The following PKD2 variants were observed in gnomAD, a reference collection of about 807,000 sequenced individuals.
PKD2 encodes the protein polycystin-2.
Under a neutral mutation model 105.9 loss-of-function variants are expected in PKD2, and 48 were observed. The ratio of observed to expected loss-of-function variants is 0.45; its 90% confidence interval spans 0.36 to 0.58. The LOEUF (loss-of-function observed/expected upper bound fraction) is 0.58, where lower values mean the gene tolerates loss of function less well. PKD2 is among the 20% of genes least tolerant of loss of function. The probability of loss-of-function intolerance (pLI) is 0.00; values close to 1 mark genes in which losing one functional copy is unlikely to be tolerated. For missense variants in PKD2, 1,078 were observed against 1,255.3 expected, an observed-to-expected ratio of 0.86 and a Z score of 2.13; for synonymous variants, 464 against 481.1, an observed-to-expected ratio of 0.96 and a Z score of 0.46.
chr4:88,064,336 A>C (rs1160858341), intron 10 of PKD2, among the ~76,000 whole-genome samples: 1 of 152,214 alleles, frequency 6.6e-6, no homozygotes. Context: ...CAAAGAAATA[A>C]AACACTTTAG....
chr4:88,035,929 G>A lies in PKD2; in HGVS notation c.710-291G>A, dbSNP rs1375114588. The A allele has an allele frequency of 1.9e-5, 8 of 425,972 alleles. No homozygotes were observed. The East Asian group carries it at 3.1e-4, about 16-fold the overall frequency. The allele number at this position is 425,972 out of a possible 1,614,324, so 26.4% of individuals were successfully genotyped here. On this transcript the variant is annotated intron_variant, in intron 2 of 14. Coordinates refer to ENST00000237596, the MANE Select transcript of PKD2 (RefSeq NM_000297.4). ...AAGATGAAATCGAGTAGGCATGTTG[G>A]TAGTCCTAAATATCAAGTAAACGTT...
rs754524207 is a variant in PKD2 at position 88,075,610 on chromosome 4, C to T, written c.2823C>T (p.Pro941=). 1 of 1,614,186 alleles carries T rather than the reference C, an allele frequency of 6.2e-7. No individual in the cohort carries two copies. Among genetic ancestry groups the T allele is most frequent in the Non-Finnish European group, 8.5e-7 (1 of 1,180,016 alleles). ...TGGGACTAAATGGTCAACCTCGCCC[C>T]AGAAGCTCCCGCCCATCTTCCTCCC... ...TPVGLNGQPR[P]RSSRPSSSQS... Residue 941 remains proline (P), a synonymous_variant, in exon 15 of 15, where the codon CCC becomes CCT. Transcript: ENST00000237596.
intron 6 of PKD2, among the ~76,000 whole-genome samples, chr4:88,048,449 T>C (rs1388667764): frequency 6.6e-6 from 1 of 152,206 alleles, no homozygotes; most frequent in Non-Finnish European, 1.5e-5. Flanking sequence ...GGCCATATAT[T>C]GCATGGCAAT....
At chr4:88,027,108 C>T (rs1726986082) in intron 2 of PKD2, among the ~76,000 whole-genome samples, 1 of 152,230 alleles carries the variant, frequency 6.6e-6, no homozygotes, top group Non-Finnish European at 1.5e-5. Context: ...CACTGGGGCA[C>T]TGCCTCATGG....
rs1431354331 is a variant in PKD2 at position 88,046,836 on chromosome 4, G to A, written c.1514G>A (p.Ser505Asn). ...IRIHKLHYFR[S>N]FWNCLDVVIV... ...ATTCACAAACTACACTATTTCAGGA[G>A]TTTCTGGAATTGTCTGGATGTTGTG... The change falls in exon 6 of 15, where the codon AGT becomes AAT. Residue 505 changes from serine (S) to asparagine (N), a missense_variant. By Grantham distance (46) the Ser-to-Asn change is conservative. Around this residue, in one of 2 missense-constraint regions of PKD2, gnomAD observed 868 missense variants for 1,067.3 expected, o/e 0.81. Transcript: ENST00000237596. 6.2e-7 allele frequency: 1 copy of A among 1,609,708 alleles called. No individual in the cohort carries two copies. The highest frequency in any genetic ancestry group is 1.3e-5 in the African/African-American group (1 of 74,836).
At position 88,075,819 on chromosome 4, in the gene PKD2, ATCT is replaced by A. The variant is rs372855713; in HGVS notation, c.*129_*131del. On this transcript the variant is annotated 3_prime_UTR_variant, in exon 15 of 15. Coordinates refer to ENST00000237596, the MANE Select transcript of PKD2 (RefSeq NM_000297.4). ...TGCTAGTCTTTGTGACCGATTGCTA[ATCT>A]TCTGCACTTTAATTTATTTTATATA... 1.6e-4 allele frequency: 120 copies of A among 773,604 alleles called. No homozygotes were observed. In the African/African-American group the frequency reaches 1.9e-3, roughly 12 times the overall value. 47.9% of individuals were successfully genotyped at this position (773,604 alleles called of 1,614,324 possible).
At chr4:88,033,269 A>G (rs1727223741) in intron 2 of PKD2, among the ~76,000 whole-genome samples, 1 of 152,068 alleles carries the variant, frequency 6.6e-6, no homozygotes, top group African/African-American at 2.4e-5. Context: ...TCTACAAAAA[A>G]TTTGAAAATT....
intron 4 of PKD2, among the ~76,000 whole-genome samples, chr4:88,040,055 GA>G (rs1354118814): frequency 2.0e-5 from 3 of 152,104 alleles, no homozygotes; most frequent in Non-Finnish European, 4.4e-5. Flanking sequence ...CATTATTTAA[GA>G]AGTTATTTCA....
intron 5 of PKD2, among the ~76,000 whole-genome samples, chr4:88,044,443 T>C (rs1427181924): frequency 6.6e-6 from 1 of 152,240 alleles, no homozygotes; most frequent in Non-Finnish European, 1.5e-5. Context: ...CTGCTTTATG[T>C]GGCTTGTTGG....
chr4:88,010,458 G>A (rs1726347840), intron 1 of PKD2, among the ~76,000 whole-genome samples: 1 of 152,190 alleles, frequency 6.6e-6, no homozygotes, highest in Admixed American at 6.5e-5. Context: ...CAAAAACCCA[G>A]AAATGTAAAA....
intron 2 of PKD2, among the ~76,000 whole-genome samples, chr4:88,034,668 CAAAAAAAAA>C (rs61534136): frequency 2.8e-5 from 2 of 71,886 alleles, no homozygotes; most frequent in African/African-American, 5.7e-5. Context: ...AACTCCGTCT[CAAAAAAAAA>C]AAAAAAAAAA....
At chr4:88,060,441 C>CAT (rs60801876) in intron 9 of PKD2, among the ~76,000 whole-genome samples, 2,698 of 147,426 alleles carry the variant, frequency 0.018, 75 homozygotes, top group African/African-American at 0.057. Context: ...CCACTATATC[C>CAT]ATATATATAT....
Position 88,052,042 on chromosome 4 carries a change from G to T in PKD2, c.1600G>T (p.Val534Leu). 6.2e-7 allele frequency: 1 copy of T among 1,601,190 alleles called. No individual in the cohort carries two copies. Among genetic ancestry groups the T allele is most frequent in the Non-Finnish European group, 8.6e-7 (1 of 1,168,606 alleles). Reference sequence around the variant, plus strand: ...CATATACAGAACATCAAATGTGGAGGTGCTACTACAGTTTCTGGAAGATCA... The same window carrying T: ...CATATACAGAACATCAAATGTGGAGTTGCTACTACAGTTTCTGGAAGATCA... The part of the protein sequence containing the change: ...INIYRTSNVE[V>L]LLQFLEDQNT... Residue 534 changes from valine (V) to leucine (L), a missense_variant, in exon 7 of 15, where the codon GTG becomes TTG. By Grantham distance (32) the Val-to-Leu change is conservative. Transcript: ENST00000237596.
chr4:88,074,848 C>T lies in PKD2; in HGVS notation c.2559C>T (p.Ile853=), dbSNP rs746787071. The T allele has an allele frequency of 1.5e-5, 25 of 1,613,948 alleles. No individual in the cohort carries two copies. Among genetic ancestry groups the T allele is most frequent in the South Asian group, 3.3e-5 (3 of 91,072 alleles). Residue 853 remains isoleucine, a synonymous_variant, in exon 14 of 15, where the codon ATC becomes ATT. Coordinates refer to ENST00000237596, the MANE Select transcript of PKD2 (RefSeq NM_000297.4). ...VRRVDRMEHS[I]GSIVSKIDAV... ...GAGTGGACCGGATGGAGCATTCCAT[C>T]GGCAGCATAGTGTCCAAGATTGACG...
chr4:88,014,738 A>G (rs1726504231), intron 1 of PKD2, among the ~76,000 whole-genome samples: 1 of 152,218 alleles, frequency 6.6e-6, no homozygotes, highest in South Asian at 2.1e-4. Flanking sequence ...CAATGAACTG[A>G]TAGTTCAGAT....
At chr4:88,052,687 C>T (rs751343031) in intron 7 of PKD2, among the ~76,000 whole-genome samples, 17 of 152,114 alleles carry the variant, frequency 1.1e-4, no homozygotes, top group Non-Finnish European at 2.4e-4. Flanking sequence ...TTTTGTTTAA[C>T]AAATGCAGTA....
rs376108991 is a variant in PKD2 at position 88,036,244 on chromosome 4, A to G, written c.734A>G (p.Asn245Ser). 11 of 1,613,682 alleles carry G rather than the reference A, an allele frequency of 6.8e-6. No individual in the cohort carries two copies. The highest frequency in any genetic ancestry group is 2.7e-5 in the African/African-American group (2 of 74,906). The change falls in exon 3 of 15, where the codon AAT becomes AGT. Residue 245 changes from asparagine (N) to serine (S), a missense_variant. Asn to Ser is a conservative substitution (Grantham distance 46). This residue lies in a region of PKD2 where 868 missense variants were observed against 1,067.3 expected (regional missense o/e 0.81). Transcript: ENST00000237596. ...GTGACCTACGGCATGATGAGCTCCAATGTGTACTACTACACCCGGATGATG... is the reference window on the plus strand; with the variant it reads ...GTGACCTACGGCATGATGAGCTCCAGTGTGTACTACTACACCCGGATGATG... ...CILTYGMMSS[N>S]VYYYTRMMSQ...
intron 8 of PKD2, 86 bp from the exon 9 acceptor site, chr4:88,057,897 A>G (rs918855193): frequency 1.8e-6 from 2 of 1,099,312 alleles, no homozygotes; most frequent in African/African-American, 3.1e-5. Context: ...AGGTCCAAAA[A>G]TAATGAAATC....
chr4:88,009,409 A>G (rs1206233784), intron 1 of PKD2, among the ~76,000 whole-genome samples: 1 of 152,202 alleles, frequency 6.6e-6, no homozygotes, highest in Non-Finnish European at 1.5e-5. Context: ...GGTCAGGCCT[A>G]CACTGAAATC....
Sources: allele counts gnomAD v4.1 joint callset (sites outside exome capture counted in the v4.1 genomes callset), GRCh38; gene constraint gnomAD v4.1.1; regional missense constraint gnomAD v4.1.1; transcripts MANE v1.5; gene names NCBI Gene and HGNC (gene_info 2026-07-23, HGNC 2026-07-21).